SORCS2: variants seen among roughly 807,000 people sequenced by gnomAD.
The protein encoded by SORCS2 is VPS10 domain-containing receptor SorCS2.
Under a neutral mutation model 141.6 loss-of-function variants are expected in SORCS2, and 100 were observed. The ratio of observed to expected loss-of-function variants is 0.71; its 90% confidence interval spans 0.60 to 0.83. SORCS2 has a LOEUF of 0.83. SORCS2 is among the 40% of genes least tolerant of loss of function. The probability of loss-of-function intolerance (pLI) is 0.00; values close to 1 mark genes in which losing one functional copy is unlikely to be tolerated. For synonymous variants in SORCS2, 789 were observed against 676.9 expected (o/e 1.17, Z -2.57); for missense variants, 1,646 against 1,560.2 (o/e 1.05, Z -0.93).
chr4:7,681,567 G>A (rs1204056784), intron 9 of SORCS2, among the ~76,000 whole-genome samples: 1 of 152,222 alleles, frequency 6.6e-6, no homozygotes, highest in Non-Finnish European at 1.5e-5. Flanking sequence ...CCGCATGCCA[G>A]GCTTCTGCCC....
At chr4:7,695,544 A>G (rs866809796) in intron 11 of SORCS2, among the ~76,000 whole-genome samples, 3 of 5,070 alleles carry the variant, frequency 5.9e-4, no homozygotes, top group Admixed American at 2.1e-3. Context: ...GGGTGGGTGG[A>G]TGGATGGATG....
chr4:7,290,001 C>G (rs1359511274), intron 1 of SORCS2, among the ~76,000 whole-genome samples: 1 of 152,202 alleles, frequency 6.6e-6, no homozygotes, highest in East Asian at 1.9e-4. Context: ...CCTTGGCACT[C>G]CCAGGCTGCG....
chr4:7,284,837 T>C (rs1032528197), intron 1 of SORCS2, among the ~76,000 whole-genome samples: 3 of 152,162 alleles, frequency 2.0e-5, no homozygotes, highest in Non-Finnish European at 4.4e-5. Context: ...GTGCTCCCTC[T>C]GAAGGCTCTG....
intron 1 of SORCS2, among the ~76,000 whole-genome samples, chr4:7,341,997 A>C (rs571418194): frequency 1.3e-5 from 2 of 152,324 alleles, no homozygotes; most frequent in African/African-American, 4.8e-5. Context: ...AATATTTTCA[A>C]GGTCCAGTCA....
Position 7,219,025 on chromosome 4 carries a change from G to T in SORCS2, c.480+25899G>T, listed in dbSNP as rs1372995467. On this transcript the variant is annotated intron_variant, in intron 1 of 26. Coordinates refer to ENST00000507866, the MANE Select transcript of SORCS2 (RefSeq NM_020777.3). ...CTTCCTACCTCAGAGCCCATGCCTG[G>T]GTGACTCCCTCTGCTTGGCATGCAC... is the stretch of plus-strand genomic sequence containing the variant. Among the ~76,000 whole-genome samples, 4 of 152,090 alleles carry T rather than the reference G, an allele frequency of 2.6e-5. No homozygotes were observed. The East Asian group carries it at 7.7e-4, about 29-fold the overall frequency.
chr4:7,670,283 G>A (rs887129720), intron 8 of SORCS2, among the ~76,000 whole-genome samples: 7 of 151,470 alleles, frequency 4.6e-5, no homozygotes, highest in Non-Finnish European at 8.8e-5. Flanking sequence ...TTTTATATTT[G>A]TCAATATCTT....
intron 3 of SORCS2, among the ~76,000 whole-genome samples, chr4:7,632,472 T>C (rs569599689): frequency 2.6e-4 from 39 of 152,326 alleles, no homozygotes; most frequent in African/African-American, 9.4e-4. Context: ...TCCTTCCCTG[T>C]CAGCACCTTC....
chr4:7,447,960 C>G (rs1481764734), intron 2 of SORCS2, among the ~76,000 whole-genome samples: 1 of 152,132 alleles, frequency 6.6e-6, no homozygotes, highest in Admixed American at 6.5e-5. Context: ...CCCTTCCCAT[C>G]CACGCCTGCT....
At chr4:7,328,180 C>G (rs1719408313) in intron 1 of SORCS2, among the ~76,000 whole-genome samples, 1 of 150,222 alleles carries the variant, frequency 6.7e-6, no homozygotes, top group Non-Finnish European at 1.5e-5. Flanking sequence ...CACCCACCAC[C>G]ATGCCTGGCT....
At chr4:7,371,534 T>G (rs1174823259) in intron 1 of SORCS2, among the ~76,000 whole-genome samples, 1 of 152,174 alleles carries the variant, frequency 6.6e-6, no homozygotes, top group African/African-American at 2.4e-5. Context: ...AAAAAATGAG[T>G]GAGTCAGAGC....
intron 2 of SORCS2, among the ~76,000 whole-genome samples, chr4:7,487,341 C>A (rs1577646238): frequency 2.0e-5 from 3 of 152,214 alleles, no homozygotes; most frequent in Non-Finnish European, 4.4e-5. Flanking sequence ...GCTGTGTTAT[C>A]CCCATCCTAC....
intron 3 of SORCS2, among the ~76,000 whole-genome samples, chr4:7,599,477 G>A (rs923849068): frequency 2.6e-5 from 4 of 152,184 alleles, no homozygotes; most frequent in Non-Finnish European, 4.4e-5. Context: ...ACGGGTGGCC[G>A]CTGGTGCCTT....
At chr4:7,351,927 C>A (rs1720966743) in intron 1 of SORCS2, among the ~76,000 whole-genome samples, 1 of 152,164 alleles carries the variant, frequency 6.6e-6, no homozygotes, top group Non-Finnish European at 1.5e-5. Flanking sequence ...TACTCAGCCA[C>A]TCATCTATCC....
At chr4:7,529,742 G>T (rs1310213513) in intron 2 of SORCS2, among the ~76,000 whole-genome samples, 1 of 152,182 alleles carries the variant, frequency 6.6e-6, no homozygotes, top group Non-Finnish European at 1.5e-5. Flanking sequence ...GGATCAGATC[G>T]ATCCTCTGCT....
intron 2 of SORCS2, among the ~76,000 whole-genome samples, chr4:7,403,175 C>G (rs1724709372): frequency 1.3e-5 from 2 of 152,194 alleles, no homozygotes; most frequent in Admixed American, 6.5e-5. Context: ...GTGGCATGCA[C>G]TCAGCATTTA....
At chr4:7,600,567 C>G (rs1717590744) in intron 3 of SORCS2, among the ~76,000 whole-genome samples, 1 of 152,016 alleles carries the variant, frequency 6.6e-6, no homozygotes, top group Non-Finnish European at 1.5e-5. Flanking sequence ...CTGTGCTCCT[C>G]TGGGGAAACC....
rs963912004 is a variant in SORCS2 at position 7,192,558 on chromosome 4, C to T, written c.-89C>T. The T allele has an allele frequency of 3.1e-6, 3 of 973,048 alleles. No individual in the cohort carries two copies. The highest frequency in any genetic ancestry group is 3.5e-5 in the African/African-American group (2 of 56,814). The allele number at this position is 973,048 out of a possible 1,614,324, so 60.3% of individuals were successfully genotyped here. A position where few individuals can be genotyped will look rare whatever the true frequency, so the allele number is the denominator to read the frequency against. ...CGGCTCCTTTCTCTGCGCTCTCGCT[C>T]GCGCTCCCCAGCGCCCTCCTGCTCT... On this transcript the variant is annotated 5_prime_UTR_variant, in exon 1 of 27. Coordinates refer to ENST00000507866, the MANE Select transcript of SORCS2 (RefSeq NM_020777.3). This position sits in a 1 kb window ranked among gnomAD's most constrained non-coding sequence, Gnocchi z 4.0.
At chr4:7,325,883 T>C (rs889138047) in intron 1 of SORCS2, among the ~76,000 whole-genome samples, 1 of 152,062 alleles carries the variant, frequency 6.6e-6, no homozygotes, top group South Asian at 2.1e-4. Flanking sequence ...GCGGGATCCA[T>C]GCACTGGCGG....
At chr4:7,302,340 A>G (rs914747776) in intron 1 of SORCS2, among the ~76,000 whole-genome samples, 4 of 152,202 alleles carry the variant, frequency 2.6e-5, no homozygotes, top group Non-Finnish European at 5.9e-5. Context: ...AGTGGTTCCC[A>G]TCTCACTCAG....
Sources: gnomAD v4.1 joint callset for allele counts (sites outside exome capture counted in the v4.1 genomes callset) on GRCh38, gnomAD v4.1.1 for gene constraint, Gnocchi (gnomAD v3.1) non-coding constraint, MANE v1.5 for transcripts, NCBI Gene and HGNC (gene_info 2026-07-23, HGNC 2026-07-21) for gene names.